Variants in CCDC146 observed in about 807,000 individuals in gnomAD.
CCDC146 encodes the protein coiled-coil domain containing 146, also known as coiled-coil domain-containing protein 146.
A neutral mutation model predicts 119.3 loss-of-function variants in CCDC146; 92 were observed. The observed-to-expected ratio is 0.77, with a 90% CI of 0.65 to 0.92. The LOEUF (loss-of-function observed/expected upper bound fraction) is 0.92. CCDC146 is among the 40% of genes least tolerant of loss of function. The pLI is 0.00. For synonymous variants in CCDC146, 372 were observed against 371.8 expected (o/e 1.00, Z -0.01); for missense variants, 1,000 against 1,103.0 (o/e 0.91, Z 1.32).
At chr7:77,130,791 G>C (rs1790773490) in intron 1 of CCDC146, among the ~76,000 whole-genome samples, 1 of 150,252 alleles carries the variant, frequency 6.7e-6, no homozygotes. Context: ...TAGAGACGGG[G>C]TTTCACCGTG....
At chr7:77,179,863 C>T (rs1791556025) in intron 2 of CCDC146, among the ~76,000 whole-genome samples, 1 of 152,152 alleles carries the variant, frequency 6.6e-6, no homozygotes, top group African/African-American at 2.4e-5. Context: ...CTCCCCAATT[C>T]CCCTTTTCTC....
intron 2 of CCDC146, among the ~76,000 whole-genome samples, chr7:77,178,557 A>G (rs900470591): frequency 3.9e-5 from 6 of 152,280 alleles, no homozygotes; most frequent in African/African-American, 1.4e-4. Flanking sequence ...TTCTTTACTG[A>G]CATAATGAGA....
intron 1 of CCDC146, among the ~76,000 whole-genome samples, chr7:77,152,602 T>C (rs1250904577): frequency 6.6e-6 from 1 of 152,232 alleles, no homozygotes; most frequent in East Asian, 1.9e-4. Context: ...CAATAGCCAA[T>C]GTCCTATACA....
At chr7:77,153,154 G>A (rs936465133) in intron 1 of CCDC146, among the ~76,000 whole-genome samples, 8 of 152,150 alleles carry the variant, frequency 5.3e-5, no homozygotes, top group Non-Finnish European at 1.0e-4. Context: ...AGGAGGAGGT[G>A]GAAGAAGGGA....
intron 3 of CCDC146, among the ~76,000 whole-genome samples, chr7:77,237,431 A>G (rs1792758683): frequency 6.6e-6 from 1 of 152,162 alleles, no homozygotes; most frequent in Non-Finnish European, 1.5e-5. Context: ...GCTTTGACAA[A>G]CCAAGCAAAC....
intron 15 of CCDC146, 138 bp from the exon 16 acceptor site, chr7:77,286,660 G>A: frequency 1.4e-6 from 1 of 730,848 alleles, no homozygotes; most frequent in Non-Finnish European, 2.3e-6. Context: ...AGCTGATGGG[G>A]TGTTAAGAAA....
intron 1 of CCDC146, among the ~76,000 whole-genome samples, chr7:77,126,670 C>T (rs569216911): frequency 6.8e-4 from 103 of 152,190 alleles, no homozygotes; most frequent in Non-Finnish European, 1.2e-3. Context: ...TCGGCAGAGA[C>T]GGTAGCTCCT....
intron 2 of CCDC146, among the ~76,000 whole-genome samples, chr7:77,192,365 G>A (rs1231016070): frequency 6.6e-6 from 1 of 152,186 alleles, no homozygotes; most frequent in Non-Finnish European, 1.5e-5. Context: ...GGATCATACA[G>A]CTTGCAAATA....
chr7:77,288,266 C>T (rs55980560), intron 17 of CCDC146, among the ~76,000 whole-genome samples: 36,394 of 152,040 alleles, frequency 0.24, 5,153 homozygotes, highest in African/African-American at 0.38. Context: ...GAGGTGAAGG[C>T]TGTCTATTAG....
intron 9 of CCDC146, among the ~76,000 whole-genome samples, chr7:77,266,281 TC>T: frequency 6.6e-6 from 1 of 152,336 alleles, no homozygotes; most frequent in Non-Finnish European, 1.5e-5. Context: ...CAATTTCATC[TC>T]CCTTTGCTCT....
chr7:77,161,823 T>G (rs2117470050), intron 1 of CCDC146, among the ~76,000 whole-genome samples: 1 of 152,242 alleles, frequency 6.6e-6, no homozygotes, highest in East Asian at 1.9e-4. Flanking sequence ...ATCTTTTGTT[T>G]TTTCAATCAT....
chr7:77,172,527 T>A (rs1410323659), intron 2 of CCDC146, among the ~76,000 whole-genome samples: 1 of 152,224 alleles, frequency 6.6e-6, no homozygotes, highest in Non-Finnish European at 1.5e-5. Context: ...CACTGCCAAG[T>A]TGCAATGCAT....
chr7:77,143,229 GT>G (rs1790963467), intron 1 of CCDC146, among the ~76,000 whole-genome samples: 1 of 151,684 alleles, frequency 6.6e-6, no homozygotes, highest in African/African-American at 2.4e-5. Context: ...AGAAGTGTCT[GT>G]TCATATCCTT....
At chr7:77,153,884 C>G (rs1791142552) in intron 1 of CCDC146, among the ~76,000 whole-genome samples, 2 of 152,004 alleles carry the variant, frequency 1.3e-5, no homozygotes, top group Admixed American at 1.3e-4. Context: ...CTAAAAATCA[C>G]TAAAAACTGG....
intron 9 of CCDC146, among the ~76,000 whole-genome samples, chr7:77,267,055 C>T (rs969369155): frequency 3.1e-4 from 46 of 149,936 alleles, no homozygotes; most frequent in African/African-American, 1.0e-3. Flanking sequence ...ACAGTGGCAC[C>T]GTGTCGGTTC....
chr7:77,161,990 G>A (rs1198725301), intron 1 of CCDC146, among the ~76,000 whole-genome samples: 1 of 151,814 alleles, frequency 6.6e-6, no homozygotes, highest in Non-Finnish European at 1.5e-5. Flanking sequence ...ATTTTTTAAT[G>A]GGATTATTTG....
chr7:77,216,875 A>T (rs1210328014), intron 2 of CCDC146, among the ~76,000 whole-genome samples: 3 of 152,214 alleles, frequency 2.0e-5, no homozygotes, highest in Non-Finnish European at 4.4e-5. Flanking sequence ...AAAGGTTTTC[A>T]TGTTAACTGA....
intron 8 of CCDC146, among the ~76,000 whole-genome samples, chr7:77,261,223 A>T (rs973780614): frequency 1.3e-5 from 2 of 152,102 alleles, no homozygotes; most frequent in African/African-American, 4.8e-5. Context: ...TTTGTTATCC[A>T]AGTATTAAGC....
intron 1 of CCDC146, among the ~76,000 whole-genome samples, chr7:77,151,426 G>A (rs1584027201): frequency 6.6e-6 from 1 of 151,932 alleles, no homozygotes; most frequent in East Asian, 1.9e-4. Flanking sequence ...TGATTGTAAA[G>A]GGGCACAAAG....
Sources: gnomAD v4.1 joint callset for allele counts (sites outside exome capture counted in the v4.1 genomes callset) on GRCh38, gnomAD v4.1.1 for gene constraint, MANE v1.5 for transcripts, NCBI Gene and HGNC (gene_info 2026-07-23, HGNC 2026-07-21) for gene names.